GREB1L: variants seen among roughly 807,000 people sequenced by gnomAD.
GREB1L encodes GREB1 like retinoic acid receptor coactivator, also known as GREB1-like protein.
A neutral mutation model predicts 200.8 loss-of-function variants in GREB1L; 17 were observed. The observed-to-expected ratio is 0.08, with a 90% CI of 0.06 to 0.13. The LOEUF is 0.13. Ranked by LOEUF, GREB1L falls within the 10% of genes least tolerant of loss-of-function variation. The probability of loss-of-function intolerance (pLI) is 1.00; values close to 1 mark genes in which losing one functional copy is unlikely to be tolerated. For missense variants in GREB1L, 1,657 were observed against 2,367.7 expected (o/e 0.70, Z 6.23); for synonymous variants, 789 against 893.0 (o/e 0.88, Z 2.08).
At position 21,389,524 on chromosome 18, in the gene GREB1L, C is replaced by T. The variant is rs1451206896; in HGVS notation, c.355+5121C>T. On this transcript the variant is annotated intron_variant, in intron 4 of 32. Transcript: ENST00000424526. ...GGGAAAACCCTCAAAGATTGTAATA[C>T]TAAAAACTATTTGTGTGGATTGTGT... Among the ~76,000 whole-genome samples, 4 of 151,898 alleles carry T rather than the reference C, an allele frequency of 2.6e-5. No homozygotes were observed. In the East Asian group the frequency reaches 7.7e-4, roughly 29 times the overall value.
intron 1 of GREB1L, among the ~76,000 whole-genome samples, chr18:21,270,454 C>T (rs1170333223): frequency 6.6e-6 from 1 of 152,152 alleles, no homozygotes; most frequent in East Asian, 1.9e-4. Context: ...TCATCTGTGG[C>T]TATTCCTTGG....
chr18:21,302,676 A>G (rs2038636730), intron 1 of GREB1L, among the ~76,000 whole-genome samples: 1 of 152,090 alleles, frequency 6.6e-6, no homozygotes, highest in Non-Finnish European at 1.5e-5. Context: ...GGTCTGTTGG[A>G]GCTTAGTGCA....
At chr18:21,345,304 A>G (rs1285365750) in intron 1 of GREB1L, among the ~76,000 whole-genome samples, 1 of 152,214 alleles carries the variant, frequency 6.6e-6, no homozygotes, top group Non-Finnish European at 1.5e-5. Context: ...AAAAGGTACC[A>G]TCATCCACCC....
At chr18:21,490,846 G>A (rs2036305842) in intron 19 of GREB1L, among the ~76,000 whole-genome samples, 1 of 152,126 alleles carries the variant, frequency 6.6e-6, no homozygotes. Flanking sequence ...TAGCCCTCTT[G>A]CATGTGGATT....
At chr18:21,357,194 A>G (rs1462083305) in intron 1 of GREB1L, among the ~76,000 whole-genome samples, 2 of 152,176 alleles carry the variant, frequency 1.3e-5, no homozygotes, top group East Asian at 1.9e-4. Flanking sequence ...AGCTGGGACT[A>G]CAGGTGCATA....
intron 1 of GREB1L, among the ~76,000 whole-genome samples, chr18:21,362,037 A>G (rs1305382819): frequency 5.3e-5 from 8 of 152,128 alleles, no homozygotes; most frequent in Admixed American, 5.2e-4. Context: ...TAGAACAAGT[A>G]TTTTATATAA....
intron 4 of GREB1L, among the ~76,000 whole-genome samples, chr18:21,394,133 GC>G (rs755390676): frequency 1.3e-5 from 2 of 152,164 alleles, no homozygotes; most frequent in Non-Finnish European, 1.5e-5. Context: ...GCTCTCCTTG[GC>G]TCCATGTTCA....
At chr18:21,393,536 C>T (rs183323395) in intron 4 of GREB1L, among the ~76,000 whole-genome samples, 21 of 151,648 alleles carry the variant, frequency 1.4e-4, no homozygotes, top group East Asian at 3.9e-4. Flanking sequence ...AGTGCAGTGG[C>T]GCGATCTGGG....
intron 1 of GREB1L, among the ~76,000 whole-genome samples, chr18:21,246,311 G>C (rs1414919514): frequency 2.0e-5 from 3 of 152,032 alleles, no homozygotes; most frequent in African/African-American, 7.2e-5. Context: ...ATAAATGTTA[G>C]CTCTTATTTT....
At chr18:21,276,728 A>G (rs2038170730) in intron 1 of GREB1L, among the ~76,000 whole-genome samples, 1 of 152,022 alleles carries the variant, frequency 6.6e-6, no homozygotes, top group Non-Finnish European at 1.5e-5. Context: ...CTTATAAATT[A>G]GTTCATTTCT....
rs1197306704 is a variant in GREB1L at position 21,505,931 on chromosome 18, C to T, written c.4350C>T (p.Asp1450=). 6 of 1,551,920 alleles carry T rather than the reference C, an allele frequency of 3.9e-6. No homozygotes were observed. Among genetic ancestry groups the T allele is most frequent in the Non-Finnish European group, 5.2e-6 (6 of 1,146,996 alleles). The change falls in exon 25 of 33, where the codon GAC becomes GAT. Residue 1450 remains aspartate (D), a synonymous_variant. Coordinates refer to ENST00000424526, the MANE Select transcript of GREB1L (RefSeq NM_001142966.3). ...GTGAACAGTGCCGCCAGTACATGGACTTCACCTCTGCCTCCCAGGTACCAT... is the reference window on the plus strand; with the variant it reads ...GTGAACAGTGCCGCCAGTACATGGATTTCACCTCTGCCTCCCAGGTACCAT... The part of the protein sequence containing the change: ...HHCEQCRQYM[D]FTSASQMSDS...
At chr18:21,332,630 A>G (rs1238163650) in intron 1 of GREB1L, among the ~76,000 whole-genome samples, 1 of 152,112 alleles carries the variant, frequency 6.6e-6, no homozygotes, top group Non-Finnish European at 1.5e-5. Flanking sequence ...GCCTATCACC[A>G]TGCCCAGCTA....
At chr18:21,301,344 T>C (rs768086789) in intron 1 of GREB1L, among the ~76,000 whole-genome samples, 38 of 152,186 alleles carry the variant, frequency 2.5e-4, no homozygotes, top group Non-Finnish European at 4.9e-4. Context: ...AGCCAAACTT[T>C]TCCTCCCAGA....
chr18:21,243,930 A>G (rs2037552370), intron 1 of GREB1L, among the ~76,000 whole-genome samples: 1 of 152,214 alleles, frequency 6.6e-6, no homozygotes, highest in South Asian at 2.1e-4. Context: ...CATCCTTCTC[A>G]GAGGCAGCCA....
chr18:21,249,486 T>C (rs1435023695), intron 1 of GREB1L, among the ~76,000 whole-genome samples: 1 of 152,248 alleles, frequency 6.6e-6, no homozygotes, highest in Non-Finnish European at 1.5e-5. Context: ...TCAGTTGTTT[T>C]ATCTTGGCCA....
At chr18:21,253,652 AATG>A (rs1353194454) in intron 1 of GREB1L, among the ~76,000 whole-genome samples, 2 of 152,204 alleles carry the variant, frequency 1.3e-5, no homozygotes, top group African/African-American at 4.8e-5. Flanking sequence ...AGCATGTGAG[AATG>A]ATATTAACAA....
At chr18:21,480,888 C>T (rs781060655) in intron 17 of GREB1L, among the ~76,000 whole-genome samples, 3 of 151,868 alleles carry the variant, frequency 2.0e-5, no homozygotes, top group East Asian at 1.9e-4. Context: ...GGCGTGGTGG[C>T]GGGCAACTGT....
intron 1 of GREB1L, among the ~76,000 whole-genome samples, chr18:21,321,225 G>A (rs2038946475): frequency 6.6e-6 from 1 of 151,990 alleles, no homozygotes; most frequent in African/African-American, 2.4e-5. Flanking sequence ...AACCCGGGAG[G>A]TGGAGGTTTC....
intron 1 of GREB1L, among the ~76,000 whole-genome samples, chr18:21,317,163 C>T (rs369260962): frequency 7.9e-5 from 12 of 151,950 alleles, no homozygotes; most frequent in African/African-American, 2.7e-4. Flanking sequence ...CCCTTCAGCC[C>T]GGAGGTTCAA....
Sources: gnomAD v4.1 joint callset for allele counts (sites outside exome capture counted in the v4.1 genomes callset) on GRCh38, gnomAD v4.1.1 for gene constraint, MANE v1.5 for transcripts, NCBI Gene and HGNC (gene_info 2026-07-23, HGNC 2026-07-21) for gene names.